Variants in GALNTL6 observed in about 807,000 individuals in gnomAD.
GALNTL6 encodes the protein polypeptide N-acetylgalactosaminyltransferase-like 6.
A neutral mutation model predicts 73.7 loss-of-function variants in GALNTL6; 46 were observed. The observed-to-expected ratio is 0.62, with a 90% confidence interval of 0.49 to 0.80. GALNTL6 has a LOEUF of 0.80. Ranked by LOEUF, GALNTL6 falls within the 30% of genes least tolerant of loss-of-function variation. GALNTL6 has a pLI of 0.00. For synonymous variants in GALNTL6, 259 were observed against 263.7 expected (o/e 0.98, Z 0.17); for missense variants, 604 against 755.0 (o/e 0.80, Z 2.34).
At chr4:172,854,855 T>C (rs535591049) in intron 7 of GALNTL6, among the ~76,000 whole-genome samples, 2 of 152,348 alleles carry the variant, frequency 1.3e-5, no homozygotes, top group African/African-American at 4.8e-5. Flanking sequence ...AGTACTTCTA[T>C]CATGTTTTTC....
At chr4:172,336,272 T>TG (rs1220955514) in intron 4 of GALNTL6, among the ~76,000 whole-genome samples, 8 of 131,100 alleles carry the variant, frequency 6.1e-5, no homozygotes, top group Admixed American at 5.3e-4. Flanking sequence ...ATAGTTTTGT[T>TG]TTGTTTTTTT....
intron 9 of GALNTL6, among the ~76,000 whole-genome samples, chr4:172,932,569 T>C (rs1748407155): frequency 6.6e-6 from 1 of 152,162 alleles, no homozygotes; most frequent in Non-Finnish European, 1.5e-5. Context: ...ACAGGCTGAG[T>C]ATCCCTCATC....
At chr4:172,968,479 C>G (rs1750433388) in intron 10 of GALNTL6, among the ~76,000 whole-genome samples, 1 of 152,142 alleles carries the variant, frequency 6.6e-6, no homozygotes, top group Admixed American at 6.5e-5. Context: ...GTACTACCTT[C>G]TGGAAAGACA....
rs1560863207 is a variant in GALNTL6, at chr4:171,967,456, T to TTTTTTTG, written c.138+152744_138+152745insGTTTTTT. Reference sequence around the variant, plus strand: ...TTTCTTCCCCCTATGGGTTTTTTTTTTTTTTTTTTGTAGATGTAGTTCTAC... The same window carrying TTTTTTTG: ...TTTCTTCCCCCTATGGGTTTTTTTTTTTTTTTGTTTTTTTTTGTAGATGTAGTTCTAC... On this transcript the variant is annotated intron_variant, in intron 2 of 12. Transcript: ENST00000506823. Among the ~76,000 whole-genome samples the TTTTTTTG allele has an allele frequency of 1.1e-3, 159 of 140,792 alleles. 1 individual carries two copies. Among genetic ancestry groups the TTTTTTTG allele is most frequent in the African/African-American group, 3.3e-3 (133 of 40,068 alleles). 92.4% of individuals were successfully genotyped at this position (140,792 alleles called of 152,430 possible). A position where few individuals can be genotyped will look rare whatever the true frequency, so the allele number is the denominator to read the frequency against.
rs537399425 is a variant in GALNTL6, at chr4:172,090,423, G to T, written c.139-139233G>T. 2.0e-5 allele frequency among the ~76,000 whole-genome samples: 3 copies of T among 152,206 alleles called. No individual in the cohort carries two copies. The South Asian group carries it at 6.2e-4, about 32-fold the overall frequency. On this transcript the variant is annotated intron_variant, in intron 2 of 12. Transcript: ENST00000506823. The stretch of plus-strand genomic sequence containing the variant: ...TGGCATGAGATAGTGTCTCATCGTG[G>T]TTTTGATTTACATTTCTCTAATGAC...
At position 171,890,407 on chromosome 4, in the gene GALNTL6, A is replaced by G. The variant is rs753651445; in HGVS notation, c.138+75689A>G. ...ACTTTACATTATCAATATGGACACT[A>G]TAATTTTTATACACCTTCATTTCTA... On this transcript the variant is annotated intron_variant, in intron 2 of 12. Coordinates refer to ENST00000506823, the MANE Select transcript of GALNTL6 (RefSeq NM_001034845.3). 2.0e-5 allele frequency among the ~76,000 whole-genome samples: 3 copies of G among 152,148 alleles called. No homozygotes were observed. In the East Asian group the frequency reaches 5.8e-4, roughly 29 times the overall value.
chr4:171,959,416 G>C (rs999375704), intron 2 of GALNTL6, among the ~76,000 whole-genome samples: 6 of 152,170 alleles, frequency 3.9e-5, no homozygotes, highest in Non-Finnish European at 8.8e-5. Context: ...CTTTAAAATA[G>C]AGTTCTGTAG....
chr4:172,398,500 G>T lies in GALNTL6; in HGVS notation c.553+49811G>T, dbSNP rs1046132400. ...ATTAGATTTAATCCGTTAGAGACCG[G>T]CACTCTCCTTTTCAAAATAAGACTA... On this transcript the variant is annotated intron_variant, in intron 5 of 12. Transcript: ENST00000506823. Among the ~76,000 whole-genome samples the T allele has an allele frequency of 3.9e-5, 6 of 152,120 alleles. 1 individual carries two copies. The East Asian group carries it at 5.8e-4, about 15-fold the overall frequency.
At chr4:172,326,334 G>A (rs1740940134) in intron 4 of GALNTL6, among the ~76,000 whole-genome samples, 2 of 151,926 alleles carry the variant, frequency 1.3e-5, no homozygotes, top group African/African-American at 4.8e-5. Context: ...GAAATTATCT[G>A]TATTTACTTA....
rs116753985 is a variant in GALNTL6, at chr4:172,275,358, G to A, written c.248-36256G>A. On this transcript the variant is annotated intron_variant, in intron 3 of 12. Transcript: ENST00000506823. ...TTACCATGTAGAATCACATTGCAGAGTATTTGTTAAGAATATGTCTTTGTA... is the reference window on the plus strand; with the variant it reads ...TTACCATGTAGAATCACATTGCAGAATATTTGTTAAGAATATGTCTTTGTA... 4.0e-3 allele frequency among the ~76,000 whole-genome samples: 607 copies of A among 152,286 alleles called. 5 individuals are homozygous for A. Among genetic ancestry groups the A allele is most frequent in the African/African-American group, 0.014 (582 of 41,564 alleles).
intron 2 of GALNTL6, among the ~76,000 whole-genome samples, chr4:172,052,701 C>G (rs1333465779): frequency 6.6e-6 from 1 of 152,072 alleles, no homozygotes; most frequent in Non-Finnish European, 1.5e-5. Context: ...TTTGCTATCA[C>G]TTTGTATTTG....
At chr4:172,570,099 C>A (rs1258012397) in intron 5 of GALNTL6, among the ~76,000 whole-genome samples, 2 of 152,124 alleles carry the variant, frequency 1.3e-5, no homozygotes, top group East Asian at 3.8e-4. Flanking sequence ...TGCCCTTTTG[C>A]AGAAGGTGGA....
At chr4:172,522,534 G>A (rs1405014588) in intron 5 of GALNTL6, among the ~76,000 whole-genome samples, 1 of 152,090 alleles carries the variant, frequency 6.6e-6, no homozygotes, top group Admixed American at 6.6e-5. Flanking sequence ...GCCAGGTGTG[G>A]TGGCAGATGC....
chr4:172,369,858 C>T (rs139142792), intron 5 of GALNTL6, among the ~76,000 whole-genome samples: 3 of 152,288 alleles, frequency 2.0e-5, no homozygotes, highest in African/African-American at 7.2e-5. Flanking sequence ...TCTCCCTCCA[C>T]ACCTCCCCAC....
At chr4:172,775,669 G>A (rs1175225314) in intron 5 of GALNTL6, among the ~76,000 whole-genome samples, 1 of 152,100 alleles carries the variant, frequency 6.6e-6, no homozygotes, top group Non-Finnish European at 1.5e-5. Context: ...AATTCCTTGT[G>A]TTTATGCCTT....
rs780658401 is a variant in GALNTL6 at position 172,952,024 on chromosome 4, T to C, written c.1150-13T>C. On this transcript the variant is annotated splice_polypyrimidine_tract_variant and intron_variant, in intron 9 of 12. Coordinates refer to ENST00000506823, the MANE Select transcript of GALNTL6 (RefSeq NM_001034845.3). ...AAACCAATAAATGACATTTTTGTTT[T>C]CCTGCTGCACAGAACCTGAAGCGGG... The C allele has an allele frequency of 3.8e-6, 6 of 1,578,972 alleles. No homozygotes were observed. The East Asian group carries it at 6.7e-5, about 18-fold the overall frequency.
chr4:172,043,076 T>C (rs866525334), intron 2 of GALNTL6, among the ~76,000 whole-genome samples: 5 of 151,922 alleles, frequency 3.3e-5, no homozygotes, highest in African/African-American at 9.7e-5. Flanking sequence ...TTTAAAAATA[T>C]GTCCCGCCCT....
chr4:172,454,899 A>T (rs1465917209), intron 5 of GALNTL6, among the ~76,000 whole-genome samples: 3 of 152,102 alleles, frequency 2.0e-5, no homozygotes, highest in Non-Finnish European at 4.4e-5. Flanking sequence ...ATTTTTTTTT[A>T]AAGATTTTTT....
At chr4:172,064,860 G>GA (rs1473757973) in intron 2 of GALNTL6, among the ~76,000 whole-genome samples, 3 of 151,544 alleles carry the variant, frequency 2.0e-5, no homozygotes, top group Non-Finnish European at 4.4e-5. Context: ...GTGGCCATGT[G>GA]AAAAAAACAA....
Sources: gnomAD v4.1 joint callset for allele counts (sites outside exome capture counted in the v4.1 genomes callset) on GRCh38, gnomAD v4.1.1 for gene constraint, MANE v1.5 for transcripts, NCBI Gene and HGNC (gene_info 2026-07-23, HGNC 2026-07-21) for gene names.